The following CMSS1 variants were observed in gnomAD, a reference collection of about 807,000 sequenced individuals.
The protein encoded by CMSS1 is cms1 ribosomal small subunit homolog.
CMSS1 carries 33 observed loss-of-function variants against 43.5 expected under a neutral mutation model. That is an observed-to-expected ratio of 0.76 (90% confidence interval 0.57 to 1.01). The LOEUF (loss-of-function observed/expected upper bound fraction) is 1.01. Ranked by LOEUF, CMSS1 falls within the 50% of genes least tolerant of loss-of-function variation. CMSS1 has a pLI of 0.00. For missense variants in CMSS1, 313 were observed against 326.4 expected, an observed-to-expected ratio of 0.96 and a Z score of 0.32; for synonymous variants, 115 against 117.2, an observed-to-expected ratio of 0.98 and a Z score of 0.12.
intron 1 of CMSS1, among the ~76,000 whole-genome samples, chr3:99,941,889 C>G (rs1465947482): frequency 1.3e-5 from 2 of 152,058 alleles, no homozygotes; most frequent in African/African-American, 4.8e-5. Flanking sequence ...ATCAACAATG[C>G]AATAGCATGT....
intron 1 of CMSS1, among the ~76,000 whole-genome samples, chr3:100,042,859 T>C (rs2065227104): frequency 6.6e-6 from 1 of 152,206 alleles, no homozygotes; most frequent in Non-Finnish European, 1.5e-5. Flanking sequence ...AAAAATGGAT[T>C]GAAGGAGAGG....
At chr3:100,039,293 C>T (rs1199937302) in intron 1 of CMSS1, among the ~76,000 whole-genome samples, 1 of 152,132 alleles carries the variant, frequency 6.6e-6, no homozygotes, top group Non-Finnish European at 1.5e-5. Flanking sequence ...TTCTTGATCA[C>T]AGTAGTACAG....
intron 1 of CMSS1, among the ~76,000 whole-genome samples, chr3:100,142,914 GT>G: frequency 6.6e-6 from 1 of 152,308 alleles, no homozygotes; most frequent in Non-Finnish European, 1.5e-5. Flanking sequence ...CCCTCAGAGA[GT>G]TTACAGTTCA....
At chr3:99,863,161 A>G (rs1944344555) in intron 1 of CMSS1, among the ~76,000 whole-genome samples, 1 of 152,160 alleles carries the variant, frequency 6.6e-6, no homozygotes, top group East Asian at 1.9e-4. Flanking sequence ...AAACTGTCCC[A>G]CTCGGATCAT....
At chr3:99,931,950 C>T (rs995316599) in intron 1 of CMSS1, among the ~76,000 whole-genome samples, 1 of 152,144 alleles carries the variant, frequency 6.6e-6, no homozygotes, top group African/African-American at 2.4e-5. Flanking sequence ...TTTGTCCCTA[C>T]AAATCATGAA....
At chr3:99,893,364 A>G (rs1706151364) in intron 1 of CMSS1, among the ~76,000 whole-genome samples, 1 of 151,790 alleles carries the variant, frequency 6.6e-6, no homozygotes, top group African/African-American at 2.4e-5. Flanking sequence ...ACGGGGTTTC[A>G]CTGTATTAGC....
chr3:100,085,353 C>T (rs1576038131), intron 1 of CMSS1, among the ~76,000 whole-genome samples: 1 of 152,166 alleles, frequency 6.6e-6, no homozygotes, highest in South Asian at 2.1e-4. Context: ...GAATTCATTT[C>T]TTTCTGCTTC....
intron 1 of CMSS1, among the ~76,000 whole-genome samples, chr3:100,107,334 G>T (rs902364476): frequency 3.3e-5 from 5 of 152,142 alleles, no homozygotes; most frequent in Non-Finnish European, 5.9e-5. Flanking sequence ...ATGACAAAGT[G>T]CATGTGGGTT....
intron 1 of CMSS1, among the ~76,000 whole-genome samples, chr3:99,878,457 A>G (rs551332680): frequency 3.9e-5 from 6 of 152,372 alleles, no homozygotes; most frequent in Admixed American, 1.3e-4. Flanking sequence ...ATAGCCTTCT[A>G]CATATATAGT....
chr3:99,983,460 GTGTGTATATATATATATATATA>G (rs1156329733), intron 1 of CMSS1, among the ~76,000 whole-genome samples: 1,706 of 69,418 alleles, frequency 0.025, 60 homozygotes, highest in East Asian at 0.057. Context: ...ATATATATAT[GTGTGTATATATATATATATATA>G]TATATATATA....
intron 1 of CMSS1, among the ~76,000 whole-genome samples, chr3:99,992,046 CTCTT>C (rs375885903): frequency 1.1e-3 from 169 of 150,648 alleles, no homozygotes; most frequent in African/African-American, 3.8e-3. Context: ...ATATATACCA[CTCTT>C]TCTTTATATA....
chr3:99,850,708 A>C (rs768082494), intron 1 of CMSS1: 1 of 1,614,148 alleles, frequency 6.2e-7, no homozygotes, highest in Non-Finnish European at 8.5e-7. Flanking sequence ...CTTTTGTTGA[A>C]GCTGGCGATT....
chr3:100,018,612 C>CA lies in CMSS1; in HGVS notation c.65-128352dup, dbSNP rs913919974. Among the ~76,000 whole-genome samples the CA allele has an allele frequency of 4.1e-4, 60 of 146,024 alleles. No homozygotes were observed. In the East Asian group the frequency reaches 5.2e-3, roughly 13 times the overall value. ...AAATCATAAAATTGCTAGTAGAAAA[C>CA]AAAAAAAAATGCTTCTTGACATGAG... On this transcript the variant is annotated intron_variant, in intron 1 of 9. Transcript: ENST00000421999.
intron 1 of CMSS1, among the ~76,000 whole-genome samples, chr3:99,893,322 C>G (rs749705183): frequency 2.5e-4 from 38 of 151,940 alleles, no homozygotes; most frequent in South Asian, 2.1e-3. Flanking sequence ...CCTGCCACCA[C>G]GCCCGGCTAA....
intron 1 of CMSS1, among the ~76,000 whole-genome samples, chr3:99,829,268 T>C (rs1202494063): frequency 1.3e-5 from 2 of 152,176 alleles, no homozygotes; most frequent in African/African-American, 2.4e-5. Flanking sequence ...GAAATGTTTT[T>C]TGAACTGCCT....
intron 1 of CMSS1, among the ~76,000 whole-genome samples, chr3:99,880,950 T>C (rs1705705947): frequency 6.6e-6 from 1 of 151,980 alleles, no homozygotes; most frequent in Non-Finnish European, 1.5e-5. Flanking sequence ...TGTTAGTGGC[T>C]TTTCTGTAGA....
At chr3:100,158,896 A>C (rs2066999408) in intron 2 of CMSS1, among the ~76,000 whole-genome samples, 1 of 152,234 alleles carries the variant, frequency 6.6e-6, no homozygotes, top group African/African-American at 2.4e-5. Flanking sequence ...ACACCTCCAT[A>C]CGTTAATAGA....
chr3:99,941,800 A>G (rs1448310706), intron 1 of CMSS1, among the ~76,000 whole-genome samples: 1 of 152,204 alleles, frequency 6.6e-6, no homozygotes, highest in Non-Finnish European at 1.5e-5. Flanking sequence ...ATATTGATTT[A>G]TCTATTATAT....
At chr3:99,831,547 A>G (rs981734126) in intron 1 of CMSS1, among the ~76,000 whole-genome samples, 2 of 152,264 alleles carry the variant, frequency 1.3e-5, no homozygotes, top group African/African-American at 2.4e-5. Context: ...AGCCATGAGC[A>G]GTAGAAGCTG....
Sources: gnomAD v4.1 joint callset for allele counts (sites outside exome capture counted in the v4.1 genomes callset) on GRCh38, gnomAD v4.1.1 for gene constraint, MANE v1.5 for transcripts, NCBI Gene and HGNC (gene_info 2026-07-23, HGNC 2026-07-21) for gene names.